Variants in IPO11 observed in about 807,000 individuals in gnomAD.
The protein encoded by IPO11 is importin 11.
A neutral mutation model predicts 143.2 loss-of-function variants in IPO11; 66 were observed. The observed-to-expected ratio is 0.46, with a 90% CI of 0.38 to 0.57. IPO11 has a LOEUF of 0.57. Among genes scored for constraint, IPO11 ranks in the 20% least tolerant of loss-of-function variants. The pLI, the probability that IPO11 is intolerant of heterozygous loss-of-function variation, is 0.00. For synonymous variants in IPO11, 385 were observed against 377.8 expected (o/e 1.02, Z -0.22); for missense variants, 1,026 against 1,141.0 (o/e 0.90, Z 1.45).
chr5:62,521,183 C>T (rs995705268), intron 20 of IPO11, among the ~76,000 whole-genome samples: 3 of 152,170 alleles, frequency 2.0e-5, no homozygotes, highest in East Asian at 1.9e-4. Context: ...CTGTTTTCTG[C>T]GCATCATGTC....
intron 9 of IPO11, among the ~76,000 whole-genome samples, chr5:62,478,418 C>T (rs1746045795): frequency 6.6e-6 from 1 of 152,156 alleles, no homozygotes; most frequent in Non-Finnish European, 1.5e-5. Flanking sequence ...CCACCCACTG[C>T]CACCTCCCAA....
intron 2 of IPO11, among the ~76,000 whole-genome samples, chr5:62,439,913 A>G (rs1033269692): frequency 6.6e-6 from 1 of 152,108 alleles, no homozygotes; most frequent in Non-Finnish European, 1.5e-5. Flanking sequence ...CCTGTTTTTC[A>G]GAGTACTTAT....
chr5:62,548,372 G>A (rs1318863296), intron 24 of IPO11, among the ~76,000 whole-genome samples: 2 of 152,030 alleles, frequency 1.3e-5, no homozygotes, highest in Non-Finnish European at 2.9e-5. Context: ...CTCCCACCTT[G>A]GGGCTCTTTC....
intron 26 of IPO11, 169 bp from the exon 27 acceptor site, chr5:62,560,967 A>C (rs930044979): frequency 2.1e-6 from 1 of 485,422 alleles, no homozygotes; most frequent in Non-Finnish European, 3.5e-6. Context: ...GTTTTGCTCA[A>C]ATTATCCATT....
At chr5:62,619,793 G>A (rs990496741) in intron 29 of IPO11, among the ~76,000 whole-genome samples, 10 of 151,836 alleles carry the variant, frequency 6.6e-5, no homozygotes, top group East Asian at 3.9e-4. Context: ...GGTGGAGTTT[G>A]CAGTGAGCTG....
At chr5:62,472,765 T>C (rs1035148990) in intron 7 of IPO11, among the ~76,000 whole-genome samples, 2 of 151,970 alleles carry the variant, frequency 1.3e-5, no homozygotes, top group Non-Finnish European at 2.9e-5. Flanking sequence ...CTGACCTCAG[T>C]TGATCCACCC....
chr5:62,582,592 G>A (rs533138309), intron 27 of IPO11, among the ~76,000 whole-genome samples: 2 of 152,204 alleles, frequency 1.3e-5, no homozygotes, highest in Non-Finnish European at 2.9e-5. Context: ...CACTGGAAAT[G>A]TATGATGCAC....
chr5:62,564,561 G>T (rs1308533689), intron 27 of IPO11, among the ~76,000 whole-genome samples: 2 of 152,056 alleles, frequency 1.3e-5, no homozygotes, highest in East Asian at 3.9e-4. Context: ...CTTTTATTAT[G>T]ATGGCATTTG....
intron 15 of IPO11, among the ~76,000 whole-genome samples, chr5:62,493,503 A>G (rs1741020421): frequency 1.3e-5 from 2 of 152,028 alleles, no homozygotes; most frequent in South Asian, 2.1e-4. Flanking sequence ...AGTTTTAATA[A>G]TATTTATTTA....
intron 1 of IPO11, among the ~76,000 whole-genome samples, chr5:62,413,220 C>G (rs572707595): frequency 6.6e-6 from 1 of 152,282 alleles, no homozygotes; most frequent in South Asian, 2.1e-4. Context: ...CCATCGTGAC[C>G]GCGGTTGCGG....
intron 5 of IPO11, among the ~76,000 whole-genome samples, chr5:62,461,859 T>TA (rs1409560158): frequency 1.3e-5 from 2 of 152,208 alleles, no homozygotes; most frequent in African/African-American, 4.8e-5. Flanking sequence ...ACATTATACT[T>TA]ACGTTGAACA....
chr5:62,472,748 C>T (rs536560910), intron 7 of IPO11, among the ~76,000 whole-genome samples: 4 of 152,026 alleles, frequency 2.6e-5, no homozygotes, highest in Admixed American at 1.3e-4. Flanking sequence ...AGGCTGGTCT[C>T]GAACTCCTGA....
chr5:62,495,073 C>G (rs866455262), intron 16 of IPO11, among the ~76,000 whole-genome samples: 1 of 152,132 alleles, frequency 6.6e-6, no homozygotes, highest in Non-Finnish European at 1.5e-5. Flanking sequence ...TACAGAAACA[C>G]AATACATTCC....
intron 9 of IPO11, among the ~76,000 whole-genome samples, chr5:62,477,837 T>G (rs73105968): frequency 0.017 from 2,574 of 152,376 alleles, 68 homozygotes; most frequent in African/African-American, 0.059. Context: ...ATAGATGGTA[T>G]CTGTAATTTA....
Position 62,599,793 on chromosome 5 carries a change from T to C in IPO11, c.2679-1971T>C, listed in dbSNP as rs546861678. On this transcript the variant is annotated intron_variant, in intron 28 of 29. Transcript: ENST00000325324. ...TATAACTATTACTGCATGCACAGTC[T>C]ACACACTTCAGTTTATTAGAAATCT... Among the ~76,000 whole-genome samples the C allele has an allele frequency of 2.6e-5, 4 of 152,356 alleles. No homozygotes were observed. The South Asian group carries it at 8.3e-4, about 32-fold the overall frequency.
At chr5:62,466,988 T>C (rs1745595284) in intron 5 of IPO11, 143 bp from the exon 6 acceptor site, 1 of 763,030 alleles carries the variant, frequency 1.3e-6, no homozygotes, top group African/African-American at 1.8e-5. Context: ...TATGAAACAT[T>C]GCCACAAATA....
chr5:62,562,135 A>T (rs1281760205), intron 27 of IPO11: 8 of 152,266 alleles, frequency 5.3e-5, no homozygotes, highest in Admixed American at 5.2e-4. Flanking sequence ...TGCACTTATG[A>T]ATGTTGGTGG....
At chr5:62,457,345 A>G (rs1258213204) in intron 5 of IPO11, among the ~76,000 whole-genome samples, 1 of 151,864 alleles carries the variant, frequency 6.6e-6, no homozygotes, top group Non-Finnish European at 1.5e-5. Flanking sequence ...AAAATTAGGC[A>G]TGGTGGTGTA....
chr5:62,573,477 T>C (rs142425220), intron 27 of IPO11, among the ~76,000 whole-genome samples: 65 of 152,326 alleles, frequency 4.3e-4, no homozygotes, highest in Admixed American at 6.5e-4. Context: ...TAGGGAATTT[T>C]TCTGAATTAC....
Sources: allele counts gnomAD v4.1 joint callset (sites outside exome capture counted in the v4.1 genomes callset), GRCh38; gene constraint gnomAD v4.1.1; transcripts MANE v1.5; gene names NCBI Gene and HGNC (gene_info 2026-07-23, HGNC 2026-07-21).